Variants in C20orf203 observed in about 807,000 individuals in gnomAD.
The protein encoded by C20orf203 is uncharacterized protein C20orf203.
In C20orf203, 16 loss-of-function variants were observed where a neutral mutation model predicts 15.9. That is an observed-to-expected ratio of 1.01 (90% CI 0.68 to 1.53). The LOEUF is 1.53. C20orf203 is among the 40% of genes most tolerant of loss of function. The probability of loss-of-function intolerance (pLI) is 0.00; values close to 1 mark genes in which losing one functional copy is unlikely to be tolerated. For missense variants in C20orf203, 263 were observed against 247.5 expected, an observed-to-expected ratio of 1.06 and a Z score of -0.42; for synonymous variants, 98 against 97.2, an observed-to-expected ratio of 1.01 and a Z score of -0.05.
At chr20:32,637,247 T>C (rs1270492208) in intron 5 of C20orf203, among the ~76,000 whole-genome samples, 2 of 152,118 alleles carry the variant, frequency 1.3e-5, no homozygotes, top group African/African-American at 4.8e-5. Context: ...ACCCCATCTC[T>C]ACTAAAAATA....
chr20:32,640,217 T>C (rs1334722861), intron 5 of C20orf203, among the ~76,000 whole-genome samples: 4 of 152,234 alleles, frequency 2.6e-5, no homozygotes, highest in South Asian at 2.1e-4. Context: ...CCCTAGGTGA[T>C]AGGATCAAGG....
intron 4 of C20orf203, among the ~76,000 whole-genome samples, chr20:32,647,395 C>CAA (rs1181319264): frequency 7.7e-4 from 72 of 93,976 alleles, no homozygotes; most frequent in South Asian, 5.7e-3. Flanking sequence ...AACTCCGTCT[C>CAA]AAAAAAAAAA....
chr20:32,648,561 C>T (rs901225894), intron 4 of C20orf203, among the ~76,000 whole-genome samples: 2 of 150,428 alleles, frequency 1.3e-5, no homozygotes, highest in Admixed American at 1.3e-4. Context: ...CTGCCTCAGC[C>T]TCCCGAGTAG....
At position 32,651,105 on chromosome 20, in the gene C20orf203, C is replaced by T; in HGVS notation, c.48G>A (p.Leu16=). The T allele has an allele frequency of 7.0e-7, 1 of 1,423,812 alleles. No individual in the cohort carries two copies. The highest frequency in any genetic ancestry group is 9.5e-7 in the Non-Finnish European group (1 of 1,056,588). 88.2% of individuals were successfully genotyped at this position (1,423,812 alleles called of 1,614,324 possible). ...VLNSRAQAIL[L]PQPPNMLDHR... The stretch of plus-strand genomic sequence containing the variant: ...GATCCAGCATGTTGGGAGGCTGAGG[C>T]AGGAGAATCGCTTGAGCCCGGGAGT... The change falls in exon 3 of 6, where the codon CTG becomes CTA. Residue 16 remains leucine (L), a synonymous_variant. Transcript: ENST00000608990.
intron 1 of C20orf203, among the ~76,000 whole-genome samples, chr20:32,661,717 T>C (rs1484234550): frequency 1.3e-5 from 2 of 152,118 alleles, no homozygotes; most frequent in African/African-American, 4.8e-5. Context: ...TCATCTGGAC[T>C]ACTGGACGGT....
intron 5 of C20orf203, among the ~76,000 whole-genome samples, 155 bp from the exon 6 acceptor site, chr20:32,634,425 C>T (rs937506088): frequency 2.6e-5 from 4 of 152,214 alleles, no homozygotes; most frequent in East Asian, 1.9e-4. Flanking sequence ...CAGGTGTGGA[C>T]GCGTGGCTCT....
intron 4 of C20orf203, among the ~76,000 whole-genome samples, chr20:32,643,745 G>A (rs753701874): frequency 6.6e-6 from 1 of 151,832 alleles, no homozygotes; most frequent in Non-Finnish European, 1.5e-5. Context: ...TTTATTTGAC[G>A]ATGAACACCC....
chr20:32,666,928 CA>C (rs1983051279), intron 1 of C20orf203, among the ~76,000 whole-genome samples: 1 of 149,590 alleles, frequency 6.7e-6, no homozygotes, highest in Non-Finnish European at 1.5e-5. Context: ...GGATTACAGG[CA>C]TGAGCCACCA....
At chr20:32,644,307 G>T (rs1982364353) in intron 4 of C20orf203, among the ~76,000 whole-genome samples, 1 of 152,124 alleles carries the variant, frequency 6.6e-6, no homozygotes, top group Non-Finnish European at 1.5e-5. Flanking sequence ...AATAAGCCAG[G>T]TGTGGTGGCG....
At chr20:32,641,617 C>T (rs961901588) in intron 4 of C20orf203, among the ~76,000 whole-genome samples, 1 of 152,118 alleles carries the variant, frequency 6.6e-6, no homozygotes, top group African/African-American at 2.4e-5. Context: ...TCTCTATATC[C>T]TCACCAACAC....
At chr20:32,639,365 G>T (rs1982218630) in intron 5 of C20orf203, among the ~76,000 whole-genome samples, 1 of 152,224 alleles carries the variant, frequency 6.6e-6, no homozygotes, top group Admixed American at 6.5e-5. Flanking sequence ...GGAAGGCCAA[G>T]AAGTGGGCAG....
chr20:32,665,063 C>T (rs1165960488), intron 1 of C20orf203, among the ~76,000 whole-genome samples: 1 of 152,238 alleles, frequency 6.6e-6, no homozygotes, highest in African/African-American at 2.4e-5. Flanking sequence ...CTGATCCAAG[C>T]TGCCAAGTAA....
rs7272425 is a variant in C20orf203 at position 32,668,396 on chromosome 20, C to T, written c.-264+5236G>A. Among the ~76,000 whole-genome samples the T allele has an allele frequency of 8.0e-3, 1,218 of 152,076 alleles. 11 individuals carry two copies. The highest frequency in any genetic ancestry group is 0.016 in the East Asian group (84 of 5,160). Reference sequence around the variant, plus strand: ...ATCTCAGCATTTTGGGAGGCCGAGGCGGGTGGATCATTTGAGGTCAGGAGT... The same window carrying T: ...ATCTCAGCATTTTGGGAGGCCGAGGTGGGTGGATCATTTGAGGTCAGGAGT... On this transcript the variant is annotated intron_variant, in intron 1 of 5. Transcript: ENST00000608990.
chr20:32,662,918 G>GATATATATAT (rs35258914), intron 1 of C20orf203, among the ~76,000 whole-genome samples: 9 of 133,980 alleles, frequency 6.7e-5, no homozygotes, highest in African/African-American at 2.3e-4. Flanking sequence ...GGAACAGCTA[G>GATATATATAT]ATATATATAT....
intron 1 of C20orf203, among the ~76,000 whole-genome samples, chr20:32,660,660 G>C (rs907098878): frequency 6.6e-6 from 1 of 152,142 alleles, no homozygotes; most frequent in African/African-American, 2.4e-5. Context: ...TTTCCTGGTG[G>C]CCAGTTTCCA....
At chr20:32,653,767 T>C (rs1405417582) in intron 1 of C20orf203, among the ~76,000 whole-genome samples, 3 of 152,192 alleles carry the variant, frequency 2.0e-5, no homozygotes, top group African/African-American at 7.2e-5. Context: ...GAAGTAAAAC[T>C]ATCCCTACTT....
At chr20:32,648,854 A>T (rs1982521170) in intron 4 of C20orf203, among the ~76,000 whole-genome samples, 2 of 152,138 alleles carry the variant, frequency 1.3e-5, no homozygotes, top group Non-Finnish European at 2.9e-5. Context: ...GTTTTTTCTT[A>T]TGTCAACCTA....
intron 4 of C20orf203, among the ~76,000 whole-genome samples, chr20:32,646,767 ATTACATGATGACT>A (rs2145667333): frequency 6.6e-6 from 1 of 152,332 alleles, no homozygotes; most frequent in South Asian, 2.1e-4. Context: ...ACCACAGCTG[ATTACATGATGACT>A]GCACAGAGCT....
chr20:32,672,679 C>T (rs990360226), intron 1 of C20orf203, among the ~76,000 whole-genome samples: 37 of 152,058 alleles, frequency 2.4e-4, no homozygotes, highest in African/African-American at 8.2e-4. Flanking sequence ...CCCTTTTATT[C>T]CCTCCTGAAT....
Sources: gnomAD v4.1 joint callset for allele counts (sites outside exome capture counted in the v4.1 genomes callset) on GRCh38, gnomAD v4.1.1 for gene constraint, MANE v1.5 for transcripts, NCBI Gene and HGNC (gene_info 2026-07-23, HGNC 2026-07-21) for gene names.